Variants in STK10 observed in about 807,000 individuals in gnomAD.
The protein encoded by STK10 is serine/threonine-protein kinase 10.
In STK10, 78 loss-of-function variants were observed where a neutral mutation model predicts 113.8. That is an observed-to-expected ratio of 0.69 (90% CI 0.57 to 0.83). The LOEUF is 0.83. Ranked by LOEUF, STK10 falls within the 40% of genes least tolerant of loss-of-function variation. STK10 has a pLI of 0.00. For synonymous variants in STK10, 465 were observed against 494.7 expected (o/e 0.94, Z 0.80); for missense variants, 1,109 against 1,280.1 (o/e 0.87, Z 2.04).
intron 18 of STK10, among the ~76,000 whole-genome samples, chr5:172,046,605 A>G (rs1767500687): frequency 6.6e-6 from 1 of 152,180 alleles, no homozygotes; most frequent in South Asian, 2.1e-4. Context: ...CTGTTTAAGC[A>G]TTATTCTGTT....
rs988006153 is a variant in STK10 at position 172,120,379 on chromosome 5, C to T, written c.371-2749G>A. Among the ~76,000 whole-genome samples the T allele has an allele frequency of 6.6e-6, 1 of 152,196 alleles. No individual in the cohort carries two copies. Among genetic ancestry groups the T allele is most frequent in the African/African-American group, 2.4e-5 (1 of 41,452 alleles). On this transcript the variant is annotated intron_variant, in intron 3 of 18. Transcript: ENST00000176763. This position sits in a 1 kb window ranked among gnomAD's most constrained non-coding sequence, Gnocchi z 4.0. The stretch of plus-strand genomic sequence containing the variant: ...CAACCAGGAATGCAGGTACCAACTG[C>T]CCTGCTCTGGGAAGCCAGGCCCCAG...
chr5:172,141,215 A>AC (rs34540906), intron 2 of STK10, among the ~76,000 whole-genome samples: 12,015 of 152,236 alleles, frequency 0.079, 613 homozygotes, highest in South Asian at 0.15. Context: ...TATGGTCTGC[A>AC]CAATGTGCTG....
intron 7 of STK10, among the ~76,000 whole-genome samples, chr5:172,102,383 G>A (rs553946429): frequency 3.3e-5 from 5 of 152,306 alleles, no homozygotes; most frequent in South Asian, 4.1e-4. Context: ...GGTGGAGCAC[G>A]TCGGCGAAAA....
intron 13 of STK10, 64 bp from the exon 14 acceptor site, chr5:172,061,332 C>G: frequency 6.6e-7 from 1 of 1,520,686 alleles, no homozygotes; most frequent in South Asian, 1.3e-5. Context: ...ATGTCTCTTC[C>G]TATTATGGGA....
chr5:172,142,217 G>A (rs973987333), intron 2 of STK10, among the ~76,000 whole-genome samples: 4 of 152,110 alleles, frequency 2.6e-5, no homozygotes, highest in East Asian at 1.9e-4. Flanking sequence ...TAGAGTTGCC[G>A]TGGGACTGAT....
chr5:172,136,341 C>A (rs1383132237), intron 2 of STK10, among the ~76,000 whole-genome samples: 2 of 152,140 alleles, frequency 1.3e-5, no homozygotes, highest in African/African-American at 2.4e-5. Flanking sequence ...TCACGCCTGT[C>A]ATCCCAGCAC....
Position 172,121,872 on chromosome 5 carries a change from C to CT in STK10, c.371-4243dup, listed in dbSNP as rs35742153. On this transcript the variant is annotated intron_variant, in intron 3 of 18. Transcript: ENST00000176763. ...TGGGCCACTATGCCTAGCTAATATA[C>CT]TTTTTTTTTTTTTTTTAGACGACGT... Among the ~76,000 whole-genome samples, 684 of 142,282 alleles carry CT rather than the reference C, an allele frequency of 4.8e-3. 11 individuals are homozygous for CT. The highest frequency in any genetic ancestry group is 0.016 in the African/African-American group (635 of 38,820). 93.3% of individuals were successfully genotyped at this position (142,282 alleles called of 152,430 possible). A position where few individuals can be genotyped will look rare whatever the true frequency, so the allele number is the denominator to read the frequency against.
chr5:172,118,650 C>CA (rs1554120313), intron 3 of STK10, among the ~76,000 whole-genome samples: 26 of 151,538 alleles, frequency 1.7e-4, no homozygotes, highest in Admixed American at 1.5e-3. Flanking sequence ...GAAGCAGAGG[C>CA]GGGGGGGATC....
At chr5:172,174,956 C>T (rs1770733721) in intron 1 of STK10, among the ~76,000 whole-genome samples, 1 of 152,174 alleles carries the variant, frequency 6.6e-6, no homozygotes, top group Admixed American at 6.6e-5. Context: ...ATCCTTCTCC[C>T]CAAGTCTTAG....
At chr5:172,057,547 C>T in intron 14 of STK10, 74 bp from the exon 15 acceptor site, 3 of 1,508,414 alleles carry the variant, frequency 2.0e-6, no homozygotes, top group South Asian at 2.5e-5. Flanking sequence ...CCCCCCACCT[C>T]TGCCTGGCCT....
At chr5:172,148,685 G>C (rs1472382061) in intron 2 of STK10, among the ~76,000 whole-genome samples, 3 of 152,236 alleles carry the variant, frequency 2.0e-5, no homozygotes, top group Admixed American at 2.0e-4. Context: ...TCAAGTGGAA[G>C]GGTGGGGGTC....
chr5:172,078,713 T>A (rs1378701195), intron 12 of STK10, among the ~76,000 whole-genome samples: 1 of 127,946 alleles, frequency 7.8e-6, no homozygotes, highest in Non-Finnish European at 1.7e-5. Flanking sequence ...AAAACACCCA[T>A]AGAAAAAGAT....
chr5:172,113,496 A>C (rs1478924112), intron 4 of STK10, among the ~76,000 whole-genome samples: 2 of 152,228 alleles, frequency 1.3e-5, no homozygotes, highest in African/African-American at 4.8e-5. Flanking sequence ...TGGGTACAAG[A>C]AAAACACGAA....
chr5:172,132,957 T>C (rs1561819812), intron 2 of STK10, among the ~76,000 whole-genome samples: 1 of 152,120 alleles, frequency 6.6e-6, no homozygotes, highest in Admixed American at 6.6e-5. Context: ...CTTAGAGCTA[T>C]CCCAGAGGAA....
chr5:172,054,725 G>T, intron 16 of STK10, 31 bp from the exon 17 acceptor site: 1 of 1,604,902 alleles, frequency 6.2e-7, no homozygotes. Flanking sequence ...GTGCCTCAGG[G>T]GACCAGGGCC....
At position 172,139,448 on chromosome 5, in the gene STK10, G is replaced by C. The variant is rs559667217; in HGVS notation, c.322-12027C>G. On this transcript the variant is annotated intron_variant, in intron 2 of 18. Transcript: ENST00000176763. ...GAGGTGAGAGGACTGCTTGAGTCCA[G>C]GAATTCAAGACCAGCCTGGGCAATA... Among the ~76,000 whole-genome samples, 182 of 149,258 alleles carry C rather than the reference G, an allele frequency of 1.2e-3. 1 individual carries two copies. Among genetic ancestry groups the C allele is most frequent in the African/African-American group, 4.2e-3 (166 of 39,652 alleles).
intron 18 of STK10, 128 bp downstream of exon 18, chr5:172,052,801 G>A: frequency 1.2e-6 from 1 of 836,860 alleles, no homozygotes; most frequent in Non-Finnish European, 1.9e-6. Flanking sequence ...TCAGGCTGGA[G>A]ATCCATTTGA....
At chr5:172,045,960 G>C (rs1265878894) in intron 18 of STK10, among the ~76,000 whole-genome samples, 1 of 151,752 alleles carries the variant, frequency 6.6e-6, no homozygotes, top group Non-Finnish European at 1.5e-5. Flanking sequence ...AAAGTGCTTG[G>C]ATTACAGGCG....
intron 4 of STK10, among the ~76,000 whole-genome samples, chr5:172,116,865 C>T (rs567770782): frequency 3.0e-4 from 46 of 151,614 alleles, no homozygotes; most frequent in Non-Finnish European, 4.7e-4. Flanking sequence ...GAGACTCTGT[C>T]CAAAAACAAC....
Sources: gnomAD v4.1 joint callset for allele counts (sites outside exome capture counted in the v4.1 genomes callset) on GRCh38, gnomAD v4.1.1 for gene constraint, Gnocchi (gnomAD v3.1) non-coding constraint, MANE v1.5 for transcripts, NCBI Gene and HGNC (gene_info 2026-07-23, HGNC 2026-07-21) for gene names.